RAB3C: variants seen among roughly 807,000 people sequenced by gnomAD.
The protein encoded by RAB3C is RAB3C, member RAS oncogene family, also known as ras-related protein Rab-3C.
RAB3C carries 17 observed loss-of-function variants against 26.4 expected under a neutral mutation model. The ratio of observed to expected loss-of-function variants is 0.64; its 90% CI spans 0.44 to 0.97. The LOEUF (loss-of-function observed/expected upper bound fraction) is 0.97, where lower values mean the gene tolerates loss of function less well. Ranked by LOEUF, RAB3C falls within the 50% of genes least tolerant of loss-of-function variation. The probability of loss-of-function intolerance (pLI) is 0.00; values close to 1 mark genes in which losing one functional copy is unlikely to be tolerated. For missense variants in RAB3C, 242 were observed against 281.9 expected, an observed-to-expected ratio of 0.86 and a Z score of 1.01; for synonymous variants, 91 against 95.9, an observed-to-expected ratio of 0.95 and a Z score of 0.30.
intron 2 of RAB3C, among the ~76,000 whole-genome samples, chr5:58,711,132 T>C (rs1321862466): frequency 6.6e-6 from 1 of 152,180 alleles, no homozygotes; most frequent in African/African-American, 2.4e-5. Context: ...TCCTTTTATG[T>C]AAGGAGGCAT....
chr5:58,620,896 G>A (rs987624787), intron 2 of RAB3C, among the ~76,000 whole-genome samples: 8 of 152,194 alleles, frequency 5.3e-5, no homozygotes, highest in African/African-American at 1.9e-4. Flanking sequence ...GAGCAACAGT[G>A]GTATGCTTAA....
At chr5:58,591,551 GCAGA>G (rs1306900616) in intron 1 of RAB3C, among the ~76,000 whole-genome samples, 1 of 150,176 alleles carries the variant, frequency 6.7e-6, no homozygotes, top group African/African-American at 2.4e-5. Context: ...AATAGAGAAT[GCAGA>G]CACTCTTGCC....
chr5:58,592,597 C>G (rs1034699829), intron 1 of RAB3C, among the ~76,000 whole-genome samples: 15 of 152,090 alleles, frequency 9.9e-5, no homozygotes, highest in Non-Finnish European at 1.6e-4. Flanking sequence ...TAGGATAGAT[C>G]TGCTGGCAAT....
At chr5:58,714,551 A>G (rs1207366444) in intron 2 of RAB3C, among the ~76,000 whole-genome samples, 2 of 152,160 alleles carry the variant, frequency 1.3e-5, no homozygotes, top group Admixed American at 1.3e-4. Flanking sequence ...GTGGATAAAT[A>G]CAAATAAATA....
At chr5:58,718,169 GT>G (rs1749213190) in intron 2 of RAB3C, among the ~76,000 whole-genome samples, 1 of 152,056 alleles carries the variant, frequency 6.6e-6, no homozygotes, top group African/African-American at 2.4e-5. Flanking sequence ...CTGGGAAAAA[GT>G]ATGTCAAAAA....
chr5:58,683,388 C>CATT (rs33993262), intron 2 of RAB3C, among the ~76,000 whole-genome samples: 101,633 of 151,610 alleles, frequency 0.67, 34,325 homozygotes, highest in Middle Eastern at 0.76. Flanking sequence ...TTTTCATATA[C>CATT]TTTGTAAACC....
At position 58,858,326 on chromosome 5, in the gene RAB3C, A is replaced by T. The variant is rs1006406866; in HGVS notation, c.*6975A>T. On this transcript the variant is annotated 3_prime_UTR_variant, in exon 5 of 5. Transcript: ENST00000282878. ...GTGACAACTTTGTGCCAAATTTTTTAAAAAATGGAAGCAGGTAGCCAATAT... is the reference window on the plus strand; with the variant it reads ...GTGACAACTTTGTGCCAAATTTTTTTAAAAATGGAAGCAGGTAGCCAATAT... The T allele has an allele frequency of 6.6e-6, 1 of 152,214 alleles. No individual in the cohort carries two copies. Among genetic ancestry groups the T allele is most frequent in the Non-Finnish European group, 1.5e-5 (1 of 68,038 alleles). 9.4% of individuals were successfully genotyped at this position (152,214 alleles called of 1,614,324 possible).
chr5:58,813,472 A>G (rs1561139329), intron 3 of RAB3C, among the ~76,000 whole-genome samples: 1 of 151,606 alleles, frequency 6.6e-6, no homozygotes. Context: ...CAGGTTGGGT[A>G]TCTTCTGTGG....
chr5:58,674,139 T>C (rs1323254716), intron 2 of RAB3C, among the ~76,000 whole-genome samples: 1 of 152,156 alleles, frequency 6.6e-6, no homozygotes, highest in East Asian at 1.9e-4. Context: ...AAAGGGAATA[T>C]AGAAATGGTA....
At chr5:58,810,401 G>C (rs1451664018) in intron 3 of RAB3C, among the ~76,000 whole-genome samples, 9 of 150,874 alleles carry the variant, frequency 6.0e-5, no homozygotes, top group African/African-American at 1.7e-4. Context: ...GTGTGTGTGT[G>C]TGTGTGTGTG....
intron 4 of RAB3C, among the ~76,000 whole-genome samples, chr5:58,845,887 G>C (rs909725139): frequency 5.3e-5 from 8 of 151,658 alleles, no homozygotes; most frequent in Admixed American, 5.3e-4. Context: ...CCCCAGCCTA[G>C]GAAGCTACTA....
chr5:58,666,949 G>A (rs549680592), intron 2 of RAB3C, among the ~76,000 whole-genome samples: 86 of 152,298 alleles, frequency 5.6e-4, no homozygotes, highest in African/African-American at 1.8e-3. Flanking sequence ...ACATTTGAGC[G>A]TTTTGTCCTG....
chr5:58,625,151 C>A (rs1747024739), intron 2 of RAB3C, among the ~76,000 whole-genome samples: 1 of 152,170 alleles, frequency 6.6e-6, no homozygotes, highest in African/African-American at 2.4e-5. Flanking sequence ...TTCTGCTGCA[C>A]CCTTTCTCTA....
chr5:58,736,174 C>T (rs986812806), intron 3 of RAB3C, among the ~76,000 whole-genome samples: 1 of 152,210 alleles, frequency 6.6e-6, no homozygotes, highest in Non-Finnish European at 1.5e-5. Flanking sequence ...TGCACCATTC[C>T]TAGCCACAAC....
At chr5:58,838,999 T>TA (rs397804773) in intron 4 of RAB3C, among the ~76,000 whole-genome samples, 1 of 152,000 alleles carries the variant, frequency 6.6e-6, no homozygotes, top group Non-Finnish European at 1.5e-5. Flanking sequence ...CATTTTTTTT[T>TA]AACTGCTGCA....
intron 2 of RAB3C, among the ~76,000 whole-genome samples, chr5:58,714,870 A>G (rs1749136085): frequency 6.6e-6 from 1 of 152,056 alleles, no homozygotes; most frequent in Admixed American, 6.6e-5. Flanking sequence ...ACCAAATGTC[A>G]TAGAACAAGA....
chr5:58,781,856 C>T (rs1032850948), intron 3 of RAB3C, among the ~76,000 whole-genome samples: 5 of 152,130 alleles, frequency 3.3e-5, no homozygotes, highest in Non-Finnish European at 7.4e-5. Context: ...TCCACTACCC[C>T]AGTCCCTGAC....
chr5:58,696,221 A>C (rs1748694886), intron 2 of RAB3C, among the ~76,000 whole-genome samples: 2 of 152,306 alleles, frequency 1.3e-5, no homozygotes, highest in South Asian at 4.1e-4. Flanking sequence ...GTGATGAATT[A>C]CGTTTATTGA....
At chr5:58,728,560 G>A (rs755644792) in intron 3 of RAB3C, among the ~76,000 whole-genome samples, 3 of 151,750 alleles carry the variant, frequency 2.0e-5, no homozygotes, top group South Asian at 2.1e-4. Context: ...AGTACATCTC[G>A]GGCCTTAAAA....
Sources: allele counts gnomAD v4.1 joint callset (sites outside exome capture counted in the v4.1 genomes callset), GRCh38; gene constraint gnomAD v4.1.1; transcripts MANE v1.5; gene names NCBI Gene and HGNC (gene_info 2026-07-23, HGNC 2026-07-21).